The following NSD3 variants were observed in gnomAD, a reference collection of about 807,000 sequenced individuals.
NSD3 encodes the protein nuclear receptor binding SET domain protein 3.
A neutral mutation model predicts 160.8 loss-of-function variants in NSD3; 24 were observed. That is an observed-to-expected ratio of 0.15 (90% confidence interval 0.11 to 0.21). The LOEUF (loss-of-function observed/expected upper bound fraction) is 0.21. NSD3 is among the 10% of genes least tolerant of loss of function. The pLI is 1.00. For synonymous variants in NSD3, 520 were observed against 600.0 expected (o/e 0.87, Z 1.95); for missense variants, 1,157 against 1,735.9 (o/e 0.67, Z 5.93).
At chr8:38,322,519 C>CA (rs1378449308) in intron 7 of NSD3, among the ~76,000 whole-genome samples, 1 of 151,996 alleles carries the variant, frequency 6.6e-6, no homozygotes, top group Non-Finnish European at 1.5e-5. Context: ...TAAAAACGAA[C>CA]AAAAAAATAT....
chr8:38,357,671 ATC>A (rs1450467520), intron 1 of NSD3, among the ~76,000 whole-genome samples: 7 of 152,156 alleles, frequency 4.6e-5, no homozygotes, highest in African/African-American at 1.7e-4. Context: ...CCATAAAATG[ATC>A]TGTTTATGTG....
intron 4 of NSD3, among the ~76,000 whole-genome samples, chr8:38,332,993 C>G (rs993627341): frequency 2.6e-5 from 4 of 151,952 alleles, no homozygotes; most frequent in Admixed American, 6.6e-5. Flanking sequence ...GACCCAAGCA[C>G]AAATCTAATT....
In NSD3 at chr8:38,333,341, G is replaced by C. The variant is rs77124900; in HGVS notation, c.911-1756C>G. On this transcript the variant is annotated intron_variant, in intron 4 of 23. Transcript: ENST00000317025. Reference sequence around the variant, plus strand: ...TTAGCACTTTGTTTCCTGACACCTGGAAAACTATGAAATAAGACTGAAATA... The same window carrying C: ...TTAGCACTTTGTTTCCTGACACCTGCAAAACTATGAAATAAGACTGAAATA... Among the ~76,000 whole-genome samples the C allele has an allele frequency of 7.7e-3, 1,171 of 152,152 alleles. 10 individuals carry two copies. Among genetic ancestry groups the C allele is most frequent in the Non-Finnish European group, 0.013 (858 of 67,988 alleles).
At chr8:38,369,515 TC>T (rs1355613112) in intron 1 of NSD3, among the ~76,000 whole-genome samples, 1 of 152,238 alleles carries the variant, frequency 6.6e-6, no homozygotes, top group Non-Finnish European at 1.5e-5. Flanking sequence ...GTTCAGTTCT[TC>T]TTCCATTAAA....
Position 38,348,076 on chromosome 8 carries a change from A to G in NSD3, c.96T>C (p.Asp32=). ...LIDSANIRQE[D]AFDNNSDIAE... is the part of the protein sequence containing the mutation. ...CAATGTCACTGTTGTTATCAAAGGC[A>G]TCCTCCTGACGGATGTTGGCGGAGT... The change falls in exon 2 of 24, where the codon GAT becomes GAC. Residue 32 remains aspartate, a synonymous_variant. Transcript: ENST00000317025. The G allele has an allele frequency of 6.2e-7, 1 of 1,614,180 alleles. No individual in the cohort carries two copies. The highest frequency in any genetic ancestry group is 8.5e-7 in the Non-Finnish European group (1 of 1,180,038).
At chr8:38,320,366 C>G (rs1168730475) in intron 8 of NSD3, 2 of 151,692 alleles carry the variant, frequency 1.3e-5, no homozygotes, top group African/African-American at 4.8e-5. Context: ...TATTCTTTAA[C>G]AAAAAAATTA....
In NSD3 at chr8:38,316,649, ATATGTC is replaced by A; in HGVS notation, c.1856-613_1856-608del. On this transcript the variant is annotated intron_variant, in intron 9 of 23. Transcript: ENST00000317025. The surrounding 1 kb of genome is among the most constrained non-coding windows in gnomAD (Gnocchi z 4.5). ...TTAACAAGCGCTGCAGCACATCTAC[ATATGTC>A]ATGCCATTTAGAAGGCACATTGCTG... 1 of 1,053,350 alleles carries A rather than the reference ATATGTC, an allele frequency of 9.5e-7. No individual in the cohort carries two copies. Among genetic ancestry groups the A allele is most frequent in the Non-Finnish European group, 1.1e-6 (1 of 871,782 alleles). The allele number at this position is 1,053,350 out of a possible 1,614,324, so 65.3% of individuals were successfully genotyped here. A position where few individuals can be genotyped will look rare whatever the true frequency, so the allele number is the denominator to read the frequency against.
At position 38,288,740 on chromosome 8, in the gene NSD3, C is replaced by T. The variant is rs965311057; in HGVS notation, c.3248G>A (p.Gly1083Glu). 6.2e-7 allele frequency: 1 copy of T among 1,612,610 alleles called. No homozygotes were observed. The highest frequency in any genetic ancestry group is 8.5e-7 in the Non-Finnish European group (1 of 1,178,756). The change falls in exon 19 of 24, where the codon GGA (glycine) becomes GAA (glutamate). Residue 1083 changes from glycine to glutamate, a missense_variant. Gly to Glu is a moderately conservative substitution (Grantham distance 98, BLOSUM62 -2). Around this residue, in one of 10 missense-constraint regions of NSD3, gnomAD observed 437 missense variants for 576.6 expected, o/e 0.76. Transcript: ENST00000317025. This position sits in a 1 kb window ranked among gnomAD's most constrained non-coding sequence, Gnocchi z 4.5. ...GTCAGCAACCTGGATCTGCACCTTT[C>T]CTATTACTTTGTTAGCCTAGAAAAC... ...YKHIKANKVI[G>E]KVQIQVADLS...
intron 16 of NSD3, among the ~76,000 whole-genome samples, chr8:38,294,426 C>T (rs1183678827): frequency 6.6e-6 from 1 of 152,084 alleles, no homozygotes; most frequent in Non-Finnish European, 1.5e-5. Context: ...TATACCTGTT[C>T]AGCAAAGGCT....
chr8:38,361,413 G>A lies in NSD3; in HGVS notation c.-44-13198C>T, dbSNP rs1349482254. 4.6e-5 allele frequency among the ~76,000 whole-genome samples: 7 copies of A among 152,154 alleles called. No individual in the cohort carries two copies. The East Asian group carries it at 1.4e-3, about 30-fold the overall frequency. On this transcript the variant is annotated intron_variant, in intron 1 of 23. Coordinates refer to ENST00000317025, the MANE Select transcript of NSD3 (RefSeq NM_023034.2). ...CCAAAGTGCTAGGCTTATAGGCACT[G>A]CTCCCGGCCAGAAATAAATTATGTT...
chr8:38,326,381 G>A (rs1406783938), intron 7 of NSD3, among the ~76,000 whole-genome samples: 1 of 152,216 alleles, frequency 6.6e-6, no homozygotes, highest in Non-Finnish European at 1.5e-5. Flanking sequence ...GGTAAAGGAG[G>A]AAATGGTATG....
At chr8:38,359,949 T>C (rs911344281) in intron 1 of NSD3, among the ~76,000 whole-genome samples, 1 of 152,044 alleles carries the variant, frequency 6.6e-6, no homozygotes, top group African/African-American at 2.4e-5. Context: ...ACCACGATAG[T>C]ACAAATGCAA....
Position 38,321,955 on chromosome 8 carries a change from A to T in NSD3, c.1709-783T>A, listed in dbSNP as rs1809802905. Among the ~76,000 whole-genome samples the T allele has an allele frequency of 6.6e-6, 1 of 152,242 alleles. No homozygotes were observed. Among genetic ancestry groups the T allele is most frequent in the Non-Finnish European group, 1.5e-5 (1 of 68,046 alleles). On this transcript the variant is annotated intron_variant, in intron 7 of 23. Transcript: ENST00000317025. This position sits in a 1 kb window ranked among gnomAD's most constrained non-coding sequence, Gnocchi z 4.7. ...GAAATTGAAGAACACAACTTGAAAG[A>T]ACATTGTCAGGAATGATTTCATTCT... is the stretch of plus-strand genomic sequence containing the variant.
chr8:38,311,115 T>C (rs1302018921), intron 12 of NSD3, among the ~76,000 whole-genome samples: 2 of 146,272 alleles, frequency 1.4e-5, no homozygotes, highest in East Asian at 4.2e-4. Context: ...GGTTTCACCA[T>C]ATTGCCCAGG....
intron 2 of NSD3, among the ~76,000 whole-genome samples, chr8:38,342,416 GTTCAA>G (rs1810397169): frequency 6.6e-6 from 1 of 152,018 alleles, no homozygotes; most frequent in Non-Finnish European, 1.5e-5. Flanking sequence ...TCTCCTTAAT[GTTCAA>G]TTCATCTTAA....
chr8:38,349,867 G>A (rs1357548961), intron 1 of NSD3, among the ~76,000 whole-genome samples: 1 of 150,412 alleles, frequency 6.6e-6, no homozygotes, highest in Non-Finnish European at 1.5e-5. Flanking sequence ...CCCAGTGTGT[G>A]ACATTCCCCT....
chr8:38,373,934 CAAAAAAAAAAAAA>C (rs61532119), intron 1 of NSD3, among the ~76,000 whole-genome samples: 1 of 25,146 alleles, frequency 4.0e-5, no homozygotes, highest in East Asian at 1.4e-3. Context: ...TCTGTCTCTA[CAAAAAAAAAAAAA>C]AAAAAAAAAA....
At chr8:38,299,376 C>T in intron 15 of NSD3, 68 bp downstream of exon 15, 1 of 1,522,908 alleles carries the variant, frequency 6.6e-7, no homozygotes. Context: ...ACATTTCCCC[C>T]CTATATTGAA....
At chr8:38,343,931 G>A (rs1308685195) in intron 2 of NSD3, among the ~76,000 whole-genome samples, 1 of 152,156 alleles carries the variant, frequency 6.6e-6, no homozygotes, top group Non-Finnish European at 1.5e-5. Flanking sequence ...AGTGCTGATA[G>A]GAGACCAGTG....
Sources: gnomAD v4.1 joint callset for allele counts (sites outside exome capture counted in the v4.1 genomes callset) on GRCh38, gnomAD v4.1.1 for gene constraint, gnomAD v4.1.1 regional missense constraint, Gnocchi (gnomAD v3.1) non-coding constraint, MANE v1.5 for transcripts, NCBI Gene and HGNC (gene_info 2026-07-23, HGNC 2026-07-21) for gene names.